Variants in PRKN observed in about 807,000 individuals in gnomAD.
The protein encoded by PRKN is parkin RBR E3 ubiquitin protein ligase.
A neutral mutation model predicts 59.5 loss-of-function variants in PRKN; 56 were observed. The ratio of observed to expected loss-of-function variants is 0.94; its 90% CI spans 0.76 to 1.18. PRKN has a LOEUF of 1.18. Ranked by LOEUF, PRKN falls within the 50% of genes most tolerant of loss-of-function variation. PRKN has a pLI of 0.00. For missense variants in PRKN, 657 were observed against 596.4 expected (o/e 1.10, Z -1.06); for synonymous variants, 250 against 222.1 (o/e 1.13, Z -1.12).
intron 1 of PRKN, among the ~76,000 whole-genome samples, chr6:162,509,480 A>C (rs144385258): frequency 3.9e-5 from 6 of 152,378 alleles, no homozygotes; most frequent in African/African-American, 1.4e-4. Context: ...TGCTAAATTT[A>C]GCTGATCTTA....
At chr6:161,840,936 T>C (rs1166893318) in intron 6 of PRKN, among the ~76,000 whole-genome samples, 1 of 151,888 alleles carries the variant, frequency 6.6e-6, no homozygotes, top group Non-Finnish European at 1.5e-5. Context: ...GGTGAGACTA[T>C]GGAGAAAAAG....
At chr6:161,901,904 G>T (rs748935236) in intron 6 of PRKN, among the ~76,000 whole-genome samples, 2 of 152,154 alleles carry the variant, frequency 1.3e-5, no homozygotes, top group Admixed American at 6.5e-5. Flanking sequence ...GGGCTGCGAG[G>T]TGCAAGTTCC....
At chr6:162,445,108 C>T (rs1414274578) in intron 1 of PRKN, among the ~76,000 whole-genome samples, 2 of 152,060 alleles carry the variant, frequency 1.3e-5, no homozygotes, top group Non-Finnish European at 2.9e-5. Context: ...AGATGACCCA[C>T]CTCATCATAA....
At chr6:162,259,547 G>A (rs1224734890) in intron 3 of PRKN, among the ~76,000 whole-genome samples, 1 of 152,170 alleles carries the variant, frequency 6.6e-6, no homozygotes, top group Non-Finnish European at 1.5e-5. Context: ...GTAACTTTAC[G>A]CTATCATTTT....
chr6:161,427,772 G>A (rs1788452018), intron 9 of PRKN, among the ~76,000 whole-genome samples: 1 of 152,130 alleles, frequency 6.6e-6, no homozygotes, highest in South Asian at 2.1e-4. Flanking sequence ...TGTATCAAGT[G>A]TCATGGAAGA....
intron 7 of PRKN, among the ~76,000 whole-genome samples, chr6:161,730,943 C>T (rs1252744064): frequency 5.3e-5 from 8 of 151,654 alleles, no homozygotes; most frequent in Non-Finnish European, 1.2e-4. Context: ...TGCATTCTTT[C>T]TGATGTGTTG....
chr6:161,786,580 T>G (rs1583163955), intron 6 of PRKN, among the ~76,000 whole-genome samples: 1 of 152,212 alleles, frequency 6.6e-6, no homozygotes, highest in East Asian at 1.9e-4. Flanking sequence ...AAGCAATATG[T>G]AATACAAAAC....
chr6:161,916,019 T>C (rs1562388200), intron 6 of PRKN, among the ~76,000 whole-genome samples: 1 of 151,948 alleles, frequency 6.6e-6, no homozygotes, highest in Non-Finnish European at 1.5e-5. Flanking sequence ...AGAAAATAGC[T>C]ATGAATTTAC....
At chr6:162,225,510 T>A (rs1778131806) in intron 3 of PRKN, among the ~76,000 whole-genome samples, 1 of 152,138 alleles carries the variant, frequency 6.6e-6, no homozygotes, top group South Asian at 2.1e-4. Flanking sequence ...GAAAAGTATT[T>A]CTAAGTTAAT....
At chr6:161,723,574 T>C (rs1049187572) in intron 7 of PRKN, among the ~76,000 whole-genome samples, 18 of 152,058 alleles carry the variant, frequency 1.2e-4, no homozygotes, top group African/African-American at 3.6e-4. Context: ...CCCTAGAGGT[T>C]GAAGTTCAAA....
chr6:162,415,743 G>T (rs12191146), intron 2 of PRKN, among the ~76,000 whole-genome samples: 15 of 151,382 alleles, frequency 9.9e-5, no homozygotes, highest in African/African-American at 1.9e-4. Flanking sequence ...CTTGAACCCG[G>T]GAGGCAGAGG....
intron 6 of PRKN, among the ~76,000 whole-genome samples, chr6:161,912,723 A>T (rs1420871835): frequency 6.6e-6 from 1 of 151,732 alleles, no homozygotes; most frequent in Non-Finnish European, 1.5e-5. Flanking sequence ...AGCCATCCTC[A>T]CCTCCTAGCT....
chr6:161,870,653 A>G (rs1794305693), intron 6 of PRKN, among the ~76,000 whole-genome samples: 1 of 152,152 alleles, frequency 6.6e-6, no homozygotes, highest in Non-Finnish European at 1.5e-5. Flanking sequence ...ATATCAGTAG[A>G]GCTATTTAAA....
At chr6:162,488,828 T>C (rs1257198044) in intron 1 of PRKN, among the ~76,000 whole-genome samples, 1 of 152,096 alleles carries the variant, frequency 6.6e-6, no homozygotes, top group African/African-American at 2.4e-5. Flanking sequence ...AGTCAAGCAA[T>C]GAAAGGGTCC....
At chr6:162,021,075 C>A (rs1407927003) in intron 5 of PRKN, among the ~76,000 whole-genome samples, 1 of 137,792 alleles carries the variant, frequency 7.3e-6, no homozygotes, top group Non-Finnish European at 1.5e-5. Context: ...TGCACTCCAG[C>A]CTGGGTGACA....
chr6:161,535,649 G>C (rs1779386357), intron 9 of PRKN, among the ~76,000 whole-genome samples: 1 of 152,214 alleles, frequency 6.6e-6, no homozygotes, highest in Non-Finnish European at 1.5e-5. Context: ...CGGAATACGA[G>C]TACGATGTTG....
chr6:162,417,045 T>G (rs916992539), intron 2 of PRKN, among the ~76,000 whole-genome samples: 13 of 152,184 alleles, frequency 8.5e-5, no homozygotes, highest in Admixed American at 3.9e-4. Flanking sequence ...CAGAGAGACA[T>G]GTGCATAATT....
chr6:161,398,171 C>A (rs189279375), intron 9 of PRKN, among the ~76,000 whole-genome samples: 15 of 152,128 alleles, frequency 9.9e-5, no homozygotes, highest in African/African-American at 3.6e-4. Context: ...GACACCCATG[C>A]CCTTGGTCTT....
At chr6:162,159,244 G>A (rs1467151635) in intron 4 of PRKN, among the ~76,000 whole-genome samples, 3 of 150,798 alleles carry the variant, frequency 2.0e-5, no homozygotes, top group East Asian at 1.9e-4. Flanking sequence ...ATACTCATAC[G>A]TGAGCATTGC....
Sources: allele counts gnomAD v4.1 joint callset (sites outside exome capture counted in the v4.1 genomes callset), GRCh38; gene constraint gnomAD v4.1.1; transcripts MANE v1.5; gene names NCBI Gene and HGNC (gene_info 2026-07-23, HGNC 2026-07-21).